RASGEF1A: variants seen among roughly 807,000 people sequenced by gnomAD.
RASGEF1A encodes RasGEF domain family member 1A.
RASGEF1A carries 18 observed loss-of-function variants against 56.4 expected under a neutral mutation model. The ratio of observed to expected loss-of-function variants is 0.32; its 90% CI spans 0.22 to 0.47. RASGEF1A has a LOEUF of 0.47. Among genes scored for constraint, RASGEF1A ranks in the 20% least tolerant of loss-of-function variants. The pLI is 1.00. For missense variants in RASGEF1A, 422 were observed against 627.1 expected, an observed-to-expected ratio of 0.67 and a Z score of 3.49; for synonymous variants, 245 against 242.6, an observed-to-expected ratio of 1.01 and a Z score of -0.09.
intron 5 of RASGEF1A, 66 bp from the exon 6 acceptor site, chr10:43,200,322 G>T: frequency 7.2e-7 from 1 of 1,396,556 alleles, no homozygotes; most frequent in Non-Finnish European, 1.0e-6. Context: ...CACTGCATAG[G>T]CATGCGGACA....
At chr10:43,260,548 G>A (rs1364908649) in intron 1 of RASGEF1A, among the ~76,000 whole-genome samples, 1 of 152,196 alleles carries the variant, frequency 6.6e-6, no homozygotes, top group African/African-American at 2.4e-5. Flanking sequence ...CACGGGCAGG[G>A]CCAAGTGGCT....
Position 43,196,879 on chromosome 10 carries a change from C to G in RASGEF1A, c.1348+97G>C, listed in dbSNP as rs903385130. On this transcript the variant is annotated intron_variant, in intron 11 of 12. Coordinates refer to ENST00000395810, the MANE Select transcript of RASGEF1A (RefSeq NM_145313.4). This position sits in a 1 kb window ranked among gnomAD's most constrained non-coding sequence, Gnocchi z 4.6. ...CCAGCCCTGTGTGGCATGGAGCAGC[C>G]AGCAGGCCATCTCCCAGGGCAACCC... 2 of 1,464,896 alleles carry G rather than the reference C, an allele frequency of 1.4e-6. No homozygotes were observed. The highest frequency in any genetic ancestry group is 2.8e-5 in the African/African-American group (2 of 72,322). The allele number at this position is 1,464,896 out of a possible 1,614,324, so 90.7% of individuals were successfully genotyped here.
intron 1 of RASGEF1A, among the ~76,000 whole-genome samples, chr10:43,261,108 G>A (rs369452385): frequency 9.3e-5 from 14 of 150,238 alleles, no homozygotes; most frequent in African/African-American, 2.4e-4. Flanking sequence ...CCTCCCCCTC[G>A]GCCCCGCCCC....
chr10:43,252,078 A>T (rs1313337175), intron 1 of RASGEF1A, among the ~76,000 whole-genome samples: 3 of 152,156 alleles, frequency 2.0e-5, no homozygotes, highest in Non-Finnish European at 4.4e-5. Flanking sequence ...GAGGACGCAG[A>T]GGGCACCTGT....
intron 1 of RASGEF1A, among the ~76,000 whole-genome samples, chr10:43,249,841 G>A (rs916105028): frequency 2.0e-5 from 3 of 152,216 alleles, no homozygotes; most frequent in Non-Finnish European, 4.4e-5. Flanking sequence ...CGGCCCCCAC[G>A]CCAGGAAGCT....
intron 1 of RASGEF1A, among the ~76,000 whole-genome samples, chr10:43,231,167 G>A (rs1436517112): frequency 6.6e-6 from 1 of 152,272 alleles, no homozygotes; most frequent in Non-Finnish European, 1.5e-5. Flanking sequence ...TCTGCATCTT[G>A]TTTCAGGCCA....
intron 1 of RASGEF1A, among the ~76,000 whole-genome samples, chr10:43,239,570 A>G (rs948688853): frequency 8.5e-5 from 13 of 152,386 alleles, no homozygotes; most frequent in African/African-American, 3.1e-4. Context: ...CAAATTTTAT[A>G]GCACTTGAAC....
intron 1 of RASGEF1A, among the ~76,000 whole-genome samples, chr10:43,221,768 G>A (rs560135612): frequency 1.7e-4 from 26 of 152,362 alleles, no homozygotes; most frequent in African/African-American, 5.8e-4. Context: ...CACCACCAAT[G>A]AGTGGCGTAG....
intron 1 of RASGEF1A, among the ~76,000 whole-genome samples, chr10:43,265,910 G>A (rs990356209): frequency 2.6e-4 from 39 of 152,372 alleles, no homozygotes; most frequent in African/African-American, 7.5e-4. Context: ...GGATCCTGCG[G>A]CCGACGGCCA....
chr10:43,242,519 T>C (rs1396004513), intron 1 of RASGEF1A, among the ~76,000 whole-genome samples: 2 of 151,960 alleles, frequency 1.3e-5, no homozygotes, highest in Admixed American at 1.3e-4. Context: ...TCTCCCTCTC[T>C]CTCCCTCTCG....
At chr10:43,258,290 G>A (rs1003424252) in intron 1 of RASGEF1A, among the ~76,000 whole-genome samples, 4 of 152,230 alleles carry the variant, frequency 2.6e-5, no homozygotes, top group Admixed American at 1.3e-4. Flanking sequence ...GGGATTCTGT[G>A]AGCGGGAGGA....
At chr10:43,241,765 G>T (rs1244192689) in intron 1 of RASGEF1A, among the ~76,000 whole-genome samples, 1 of 151,584 alleles carries the variant, frequency 6.6e-6, no homozygotes, top group Non-Finnish European at 1.5e-5. Context: ...GATTATCAGA[G>T]TTAAAAAAAA....
intron 1 of RASGEF1A, chr10:43,206,834 CTAGAGAG>C (rs1395213581): frequency 5.0e-5 from 49 of 985,668 alleles, no homozygotes; most frequent in Non-Finnish European, 5.7e-5. Context: ...GTGGGCAGGG[CTAGAGAG>C]AGATCTGGAA....
intron 1 of RASGEF1A, among the ~76,000 whole-genome samples, chr10:43,256,432 C>T (rs1304765488): frequency 6.6e-6 from 1 of 152,098 alleles, no homozygotes; most frequent in African/African-American, 2.4e-5. Flanking sequence ...GAACAGGAAC[C>T]TCAGGGAAAG....
At chr10:43,240,955 TGTC>T (rs1375754054) in intron 1 of RASGEF1A, among the ~76,000 whole-genome samples, 1 of 152,068 alleles carries the variant, frequency 6.6e-6, no homozygotes, top group Non-Finnish European at 1.5e-5. Flanking sequence ...AGAAAAGAGG[TGTC>T]AACCATGAAT....
intron 1 of RASGEF1A, among the ~76,000 whole-genome samples, chr10:43,228,887 G>T (rs886248909): frequency 1.4e-4 from 22 of 152,214 alleles, no homozygotes; most frequent in African/African-American, 4.8e-4. Context: ...GTGAAAGAAG[G>T]AAGGGACAGA....
intron 1 of RASGEF1A, among the ~76,000 whole-genome samples, chr10:43,215,631 G>A (rs1304634245): frequency 6.6e-6 from 1 of 152,220 alleles, no homozygotes; most frequent in African/African-American, 2.4e-5. Context: ...AAGGAGGTGG[G>A]TGTTCCCGGA....
At chr10:43,206,680 T>C in intron 1 of RASGEF1A, 1 of 987,356 alleles carries the variant, frequency 1.0e-6, no homozygotes, top group Non-Finnish European at 1.2e-6. Flanking sequence ...GTGGTCTGAC[T>C]TACGGTGGCT....
At chr10:43,207,236 A>C in intron 1 of RASGEF1A, 1 of 985,526 alleles carries the variant, frequency 1.0e-6, no homozygotes, top group Non-Finnish European at 1.2e-6. Context: ...TCAGGTGGAG[A>C]AGCGAGACCC....
Sources: allele counts gnomAD v4.1 joint callset (sites outside exome capture counted in the v4.1 genomes callset), GRCh38; gene constraint gnomAD v4.1.1; non-coding constraint Gnocchi (gnomAD v3.1); transcripts MANE v1.5; gene names NCBI Gene and HGNC (gene_info 2026-07-23, HGNC 2026-07-21).